The following AOPEP variants were observed in gnomAD, a reference collection of about 807,000 sequenced individuals.
AOPEP encodes aminopeptidase O (putative).
Under a neutral mutation model 98.1 loss-of-function variants are expected in AOPEP, and 77 were observed. The observed-to-expected ratio is 0.78, with a 90% confidence interval of 0.65 to 0.95. The LOEUF (loss-of-function observed/expected upper bound fraction) is 0.95. AOPEP is among the 40% of genes least tolerant of loss of function. The probability of loss-of-function intolerance (pLI) is 0.00; values close to 1 mark genes in which losing one functional copy is unlikely to be tolerated. For synonymous variants in AOPEP, 346 were observed against 365.3 expected, an observed-to-expected ratio of 0.95 and a Z score of 0.60; for missense variants, 1,024 against 1,024.7, an observed-to-expected ratio of 1.00 and a Z score of 0.01.
At chr9:95,046,343 A>G (rs2065867630) in intron 13 of AOPEP, among the ~76,000 whole-genome samples, 1 of 152,228 alleles carries the variant, frequency 6.6e-6, no homozygotes, top group Non-Finnish European at 1.5e-5. Flanking sequence ...TGTTTGTGTG[A>G]GCGATGAGGC....
At chr9:95,126,613 A>C in the AOPEP span, 12 of 1,608,946 alleles carry the variant, frequency 7.5e-6, no homozygotes, top group South Asian at 1.3e-4. Context: ...AGAATGTGAA[A>C]TATCACAAGC....
At chr9:95,140,052 A>C in the AOPEP span, among the ~76,000 whole-genome samples, 2 of 152,058 alleles carry the variant, frequency 1.3e-5, no homozygotes, top group Non-Finnish European at 2.9e-5. Context: ...TCAAGAAAAC[A>C]GAGTAAGATA....
chr9:94,813,997 C>T (rs1588352092), intron 5 of AOPEP, among the ~76,000 whole-genome samples: 1 of 152,158 alleles, frequency 6.6e-6, no homozygotes, highest in African/African-American at 2.4e-5. Flanking sequence ...GAGTCATGCA[C>T]AAGGGGGGCT....
At chr9:94,850,316 C>T (rs2043394954) in intron 5 of AOPEP, among the ~76,000 whole-genome samples, 1 of 152,192 alleles carries the variant, frequency 6.6e-6, no homozygotes, top group African/African-American at 2.4e-5. Context: ...GAGTGTGGCA[C>T]TGGCTCAGTG....
At chr9:94,917,435 C>T (rs1486666970) in intron 5 of AOPEP, among the ~76,000 whole-genome samples, 6 of 152,170 alleles carry the variant, frequency 3.9e-5, no homozygotes, top group African/African-American at 1.4e-4. Flanking sequence ...GCCCTCATGC[C>T]TCTCTCCTCC....
intron 13 of AOPEP, among the ~76,000 whole-genome samples, chr9:95,009,819 A>G (rs1030573848): frequency 1.3e-5 from 2 of 152,098 alleles, no homozygotes; most frequent in African/African-American, 4.8e-5. Context: ...TCCTTCATGT[A>G]TTCAAAGTGA....
At chr9:94,870,622 T>G (rs2046237107) in intron 5 of AOPEP, among the ~76,000 whole-genome samples, 1 of 152,164 alleles carries the variant, frequency 6.6e-6, no homozygotes, top group African/African-American at 2.4e-5. Context: ...GATGCTACAG[T>G]TTAGCAGTGA....
chr9:94,895,242 A>T (rs1248964436), intron 5 of AOPEP, among the ~76,000 whole-genome samples: 1 of 116,394 alleles, frequency 8.6e-6, no homozygotes, highest in African/African-American at 2.8e-5. Flanking sequence ...AATAAAATAA[A>T]AAAAAAAAAT....
the AOPEP span, among the ~76,000 whole-genome samples, chr9:95,147,429 T>A: frequency 1.3e-5 from 2 of 152,130 alleles, no homozygotes; most frequent in Non-Finnish European, 2.9e-5. Context: ...GGCAGGAGAA[T>A]CACTTGAACC....
chr9:94,963,652 T>C (rs1287411201), intron 9 of AOPEP, among the ~76,000 whole-genome samples: 4 of 152,184 alleles, frequency 2.6e-5, no homozygotes, highest in Non-Finnish European at 5.9e-5. Context: ...TCAGGCACAC[T>C]GCAGAGGTGA....
At chr9:94,751,690 A>G (rs1359924898) in intron 1 of AOPEP, among the ~76,000 whole-genome samples, 2 of 151,380 alleles carry the variant, frequency 1.3e-5, no homozygotes, top group Non-Finnish European at 2.9e-5. Context: ...AAGGTAATCT[A>G]TAGCTCTGGT....
chr9:95,059,629 A>G (rs1330163614), intron 13 of AOPEP, among the ~76,000 whole-genome samples: 1 of 152,120 alleles, frequency 6.6e-6, no homozygotes, highest in South Asian at 2.1e-4. Context: ...TACTTTTTAA[A>G]AATTGTTTTA....
the AOPEP span, chr9:95,099,754 C>T: frequency 6.5e-5 from 15 of 232,498 alleles, no homozygotes; most frequent in Admixed American, 5.6e-4. Context: ...CCACCGCACC[C>T]GTGAGAGGAC....
chr9:94,884,121 G>A lies in AOPEP; in HGVS notation c.1365-39865G>A, dbSNP rs374485931. On this transcript the variant is annotated intron_variant, in intron 5 of 16. Coordinates refer to ENST00000375315, the MANE Select transcript of AOPEP (RefSeq NM_001193329.3). ...GCCCTCTGGGTGTCTGTCCTCATCAGCACAAAGAAGCCCCAATCCGAAGCC... is the reference window on the plus strand; with the variant it reads ...GCCCTCTGGGTGTCTGTCCTCATCAACACAAAGAAGCCCCAATCCGAAGCC... Among the ~76,000 whole-genome samples the A allele has an allele frequency of 2.0e-4, 30 of 152,344 alleles. No homozygotes were observed. In the South Asian group the frequency reaches 5.6e-3, roughly 28 times the overall value.
At chr9:95,096,918 C>CAT in the AOPEP span, among the ~76,000 whole-genome samples, 1 of 152,164 alleles carries the variant, frequency 6.6e-6, no homozygotes, top group East Asian at 1.9e-4. Flanking sequence ...TCTAGGATGT[C>CAT]GTTCCAGAGG....
At chr9:95,032,163 G>A (rs2064367045) in intron 13 of AOPEP, among the ~76,000 whole-genome samples, 1 of 152,232 alleles carries the variant, frequency 6.6e-6, no homozygotes, top group Non-Finnish European at 1.5e-5. Flanking sequence ...TATCGTGTGT[G>A]TCTGAGAAAA....
chr9:95,057,874 G>A (rs1284387942), intron 13 of AOPEP, among the ~76,000 whole-genome samples: 1 of 152,198 alleles, frequency 6.6e-6, no homozygotes, highest in Non-Finnish European at 1.5e-5. Context: ...GCTGGCTCTG[G>A]CAGCACTGTG....
At chr9:95,063,543 T>C (rs1480132790) in intron 14 of AOPEP, among the ~76,000 whole-genome samples, 2 of 152,212 alleles carry the variant, frequency 1.3e-5, no homozygotes, top group African/African-American at 4.8e-5. Flanking sequence ...GGGCCATGCC[T>C]CAGGGGATGG....
chr9:95,063,749 A>T (rs113837774), intron 14 of AOPEP, among the ~76,000 whole-genome samples: 21 of 152,168 alleles, frequency 1.4e-4, no homozygotes, highest in African/African-American at 5.1e-4. Context: ...ATTGGATTGG[A>T]GCAAGAAAGT....
Sources: allele counts gnomAD v4.1 joint callset (sites outside exome capture counted in the v4.1 genomes callset), GRCh38; gene constraint gnomAD v4.1.1; transcripts MANE v1.5; gene names NCBI Gene and HGNC (gene_info 2026-07-23, HGNC 2026-07-21).